Variants in HRH2 observed in about 807,000 individuals in gnomAD.
HRH2 encodes the protein histamine H2 receptor.
Under a neutral mutation model 20.1 loss-of-function variants are expected in HRH2, and 4 were observed. The observed-to-expected ratio is 0.20, with a 90% CI of 0.10 to 0.45. HRH2 has a LOEUF of 0.45. HRH2 is among the 20% of genes least tolerant of loss of function. The pLI is 0.99. For missense variants in HRH2, 250 were observed against 461.6 expected (o/e 0.54, Z 4.20); for synonymous variants, 197 against 200.7 (o/e 0.98, Z 0.16).
rs1284873563 is a variant in HRH2, at chr5:175,693,592, CCTT to C, written c.1076+9286_1076+9288del. Among the ~76,000 whole-genome samples, 11 of 152,202 alleles carry C rather than the reference CCTT, an allele frequency of 7.2e-5. No homozygotes were observed. Among genetic ancestry groups the C allele is most frequent in the African/African-American group, 1.9e-4 (8 of 41,440 alleles). ...TGCCCAGAGGATTCAAGGAACTTCT[CCTT>C]CTCATGCTGAATCTGGAGACGTAGA... On this transcript the variant is annotated intron_variant, in intron 2 of 2. Transcript: ENST00000636584. The surrounding 1 kb of genome is among the most constrained non-coding windows in gnomAD (Gnocchi z 4.4).
Position 175,681,568 on chromosome 5 carries a change from A to G in HRH2, c.-525-1141A>G, listed in dbSNP as rs532729129. On this transcript the variant is annotated intron_variant, in intron 1 of 2. Coordinates refer to ENST00000636584, the MANE Select transcript of HRH2 (RefSeq NM_001367711.1). This position sits in a 1 kb window ranked among gnomAD's most constrained non-coding sequence, Gnocchi z 4.3. ...TCGCCAGTTGGAATCATATACAGCC[A>G]CCACTGGGAGGGAGCCTTGGAGATT... Among the ~76,000 whole-genome samples, 3 of 152,322 alleles carry G rather than the reference A, an allele frequency of 2.0e-5. No homozygotes were observed. The South Asian group carries it at 6.2e-4, about 32-fold the overall frequency.
chr5:175,670,284 T>A (rs1008875701), intron 1 of HRH2, among the ~76,000 whole-genome samples: 1 of 152,138 alleles, frequency 6.6e-6, no homozygotes, highest in African/African-American at 2.4e-5. Context: ...ATTTTTTTTT[T>A]AAAGTAACTG....
intron 2 of HRH2, among the ~76,000 whole-genome samples, chr5:175,690,628 C>T (rs73806116): frequency 0.15 from 22,542 of 152,034 alleles, 3,777 homozygotes; most frequent in African/African-American, 0.41. Context: ...AGGATTCACC[C>T]GTTTAAAGTG....
intron 1 of HRH2, among the ~76,000 whole-genome samples, chr5:175,674,797 T>C (rs986393058): frequency 2.6e-5 from 4 of 152,106 alleles, no homozygotes; most frequent in Non-Finnish European, 5.9e-5. Context: ...GGGCTTTCTC[T>C]CCAAGGAACA....
intron 2 of HRH2, among the ~76,000 whole-genome samples, chr5:175,706,933 C>T (rs1427860534): frequency 2.6e-5 from 4 of 152,200 alleles, no homozygotes; most frequent in African/African-American, 9.7e-5. Context: ...GAGGTGTTCA[C>T]AGCTGATTTG....
At chr5:175,675,344 C>T (rs1755719560) in intron 1 of HRH2, among the ~76,000 whole-genome samples, 1 of 152,208 alleles carries the variant, frequency 6.6e-6, no homozygotes, top group African/African-American at 2.4e-5. Flanking sequence ...CCTTCAATGA[C>T]TCCTTATTAT....
At chr5:175,667,116 T>C (rs557562502) in intron 1 of HRH2, among the ~76,000 whole-genome samples, 1 of 152,300 alleles carries the variant, frequency 6.6e-6, no homozygotes, top group African/African-American at 2.4e-5. Context: ...TTAGTCACTG[T>C]AGACTTAACT....
chr5:175,673,099 G>A (rs1314131782), intron 1 of HRH2, among the ~76,000 whole-genome samples: 1 of 152,180 alleles, frequency 6.6e-6, no homozygotes, highest in Non-Finnish European at 1.5e-5. Context: ...TGGTGAGGTA[G>A]AAGCAGGCAG....
At chr5:175,669,419 A>G (rs1274916166) in intron 1 of HRH2, among the ~76,000 whole-genome samples, 11 of 145,380 alleles carry the variant, frequency 7.6e-5, no homozygotes, top group African/African-American at 1.8e-4. Context: ...GCTGGAGTGC[A>G]GTGGTGCAAT....
intron 1 of HRH2, among the ~76,000 whole-genome samples, chr5:175,660,440 T>C (rs1178772726): frequency 1.3e-5 from 2 of 152,124 alleles, no homozygotes; most frequent in Non-Finnish European, 1.5e-5. Flanking sequence ...AATGGAAACA[T>C]GTTTTGCATT....
At chr5:175,673,440 A>G (rs1428101300) in intron 1 of HRH2, among the ~76,000 whole-genome samples, 1 of 152,192 alleles carries the variant, frequency 6.6e-6, no homozygotes, top group Non-Finnish European at 1.5e-5. Context: ...TTCATGATTT[A>G]TATCCACTTT....
In HRH2 at chr5:175,676,527, T is replaced by C. The variant is rs1030222338; in HGVS notation, c.-525-6182T>C. ...TGCCCCAGGGCTCGTCTCCGGCTCC[T>C]GGGCAAAGGCAAGAAGGAGCCCAAA... On this transcript the variant is annotated intron_variant, in intron 1 of 2. Transcript: ENST00000636584. Among the ~76,000 whole-genome samples the C allele has an allele frequency of 3.9e-4, 59 of 152,248 alleles. 2 individuals are homozygous for C. Among genetic ancestry groups the C allele is most frequent in the Admixed American group, 3.9e-3 (59 of 15,288 alleles).
intron 1 of HRH2, among the ~76,000 whole-genome samples, chr5:175,662,042 T>C (rs1762753045): frequency 2.6e-5 from 4 of 151,128 alleles, no homozygotes; most frequent in Admixed American, 1.3e-4. Flanking sequence ...AATAAATAAA[T>C]AAATAAAAGC....
chr5:175,691,313 CA>C, intron 2 of HRH2: 1 of 152,618 alleles, frequency 6.6e-6, no homozygotes, highest in Non-Finnish European at 1.5e-5. Context: ...TTTACAGCCT[CA>C]AAAGTCAAGG....
At chr5:175,695,984 C>T (rs1345516763) in intron 2 of HRH2, among the ~76,000 whole-genome samples, 1 of 152,278 alleles carries the variant, frequency 6.6e-6, no homozygotes, top group Non-Finnish European at 1.5e-5. Flanking sequence ...AGGTGATTCC[C>T]AGCTCTGCCA....
intron 2 of HRH2, among the ~76,000 whole-genome samples, chr5:175,688,884 C>T (rs1756267911): frequency 6.6e-6 from 1 of 152,170 alleles, no homozygotes; most frequent in Non-Finnish European, 1.5e-5. Flanking sequence ...CACCCATTCT[C>T]TTGTTCATGG....
rs977834874 is a variant in HRH2 at position 175,708,004 on chromosome 5, C to G, written c.*33C>G. 2 of 398,952 alleles carry G rather than the reference C, an allele frequency of 5.0e-6. No homozygotes were observed. The highest frequency in any genetic ancestry group is 4.1e-5 in the African/African-American group (2 of 48,608). The allele number at this position is 398,952 out of a possible 1,614,324, so 24.7% of individuals were successfully genotyped here. A position where few individuals can be genotyped will look rare whatever the true frequency, so the allele number is the denominator to read the frequency against. On this transcript the variant is annotated 3_prime_UTR_variant, in exon 3 of 3. Coordinates refer to ENST00000636584, the MANE Select transcript of HRH2 (RefSeq NM_001367711.1). ...CCCAGGACACTGAAGATACCGCTCC[C>G]GGTCCCCAAGATGTGACTCCTGGAG... is the stretch of plus-strand genomic sequence containing the variant.
chr5:175,671,299 C>A (rs1755531472), intron 1 of HRH2, among the ~76,000 whole-genome samples: 2 of 152,202 alleles, frequency 1.3e-5, no homozygotes, highest in South Asian at 4.1e-4. Flanking sequence ...TATAAATGTT[C>A]CTGGCAAGTG....
At chr5:175,699,841 G>A (rs1328860015) in intron 2 of HRH2, among the ~76,000 whole-genome samples, 1 of 152,220 alleles carries the variant, frequency 6.6e-6, no homozygotes, top group African/African-American at 2.4e-5. Context: ...CCAAAGTGCT[G>A]GGATTAGAGG....
Sources: allele counts gnomAD v4.1 joint callset (sites outside exome capture counted in the v4.1 genomes callset), GRCh38; gene constraint gnomAD v4.1.1; non-coding constraint Gnocchi (gnomAD v3.1); transcripts MANE v1.5; gene names NCBI Gene and HGNC (gene_info 2026-07-23, HGNC 2026-07-21).